GPR89A: variants seen among roughly 807,000 people sequenced by gnomAD.
GPR89A encodes G protein-coupled receptor 89A.
A neutral mutation model predicts 52.0 loss-of-function variants in GPR89A; 16 were observed. The observed-to-expected ratio is 0.31, with a 90% CI of 0.21 to 0.47. GPR89A has a LOEUF of 0.47. GPR89A is among the 20% of genes least tolerant of loss of function. GPR89A has a pLI of 1.00. For synonymous variants in GPR89A, 55 were observed against 150.9 expected, an observed-to-expected ratio of 0.36 and a Z score of 4.66; for missense variants, 135 against 449.4, an observed-to-expected ratio of 0.30 and a Z score of 6.33.
intron 4 of GPR89A, 52 bp downstream of exon 4, chr1:145,623,212 G>A: frequency 1.3e-6 from 2 of 1,597,620 alleles, no homozygotes; most frequent in Non-Finnish European, 1.7e-6. Flanking sequence ...AGTATTTGAG[G>A]GGACTTAAAT....
intron 7 of GPR89A, among the ~76,000 whole-genome samples, chr1:145,636,991 A>G (rs1650287404): frequency 6.6e-6 from 1 of 152,224 alleles, no homozygotes; most frequent in Non-Finnish European, 1.5e-5. Context: ...AAATCTCAGT[A>G]TAAACCCTTC....
chr1:145,643,527 G>T (rs1650791928), intron 7 of GPR89A, among the ~76,000 whole-genome samples: 1 of 152,144 alleles, frequency 6.6e-6, no homozygotes, highest in South Asian at 2.1e-4. Context: ...ACTATGTATA[G>T]CGCCTCATAT....
At chr1:145,664,430 A>G (rs1652417397) in intron 11 of GPR89A, among the ~76,000 whole-genome samples, 3 of 152,120 alleles carry the variant, frequency 2.0e-5, no homozygotes, top group Admixed American at 2.0e-4. Context: ...GAGACAGATC[A>G]CTTGAGTCCA....
At chr1:145,660,147 G>A (rs1162962601) in intron 10 of GPR89A, among the ~76,000 whole-genome samples, 10 of 152,096 alleles carry the variant, frequency 6.6e-5, no homozygotes, top group African/African-American at 1.4e-4. Flanking sequence ...AAATCACGCC[G>A]CATATCTACA....
chr1:145,657,181 G>A (rs1172708228), intron 10 of GPR89A, among the ~76,000 whole-genome samples: 2 of 149,044 alleles, frequency 1.3e-5, no homozygotes, highest in Non-Finnish European at 3.0e-5. Flanking sequence ...ACTGCTTGAG[G>A]CCAGGAATTT....
At chr1:145,663,278 A>G (rs1652327027) in intron 10 of GPR89A, 51 bp from the exon 11 acceptor site, 1 of 1,607,466 alleles carries the variant, frequency 6.2e-7, no homozygotes, top group African/African-American at 1.3e-5. Flanking sequence ...ACTTTTTGAA[A>G]TAGTAAGTGA....
chr1:145,635,176 T>G (rs1352236004), intron 7 of GPR89A, among the ~76,000 whole-genome samples: 1 of 151,922 alleles, frequency 6.6e-6, no homozygotes, highest in African/African-American at 2.4e-5. Context: ...GGAGGCCGAG[T>G]CGGGCAGATC....
At chr1:145,611,282 G>A (rs1280900923) in intron 1 of GPR89A, among the ~76,000 whole-genome samples, 10 of 150,600 alleles carry the variant, frequency 6.6e-5, no homozygotes, top group African/African-American at 1.2e-4. Context: ...CAAATGATCC[G>A]GTCACCCAGG....
In GPR89A at chr1:145,615,896, A is replaced by C. The variant is rs587703985; in HGVS notation, c.43-338A>C. Among the ~76,000 whole-genome samples, 14 of 152,160 alleles carry C rather than the reference A, an allele frequency of 9.2e-5. 1 individual carries two copies. In the Middle Eastern group the frequency reaches 0.01, roughly 111 times the overall value. On this transcript the variant is annotated intron_variant, in intron 1 of 13. Transcript: ENST00000313835. Reference sequence around the variant, plus strand: ...TGTCCTCCCAAAGTGCTGGGATTACAAGTGTGAGGCACCGTGCCTGGCCAC... The same window carrying C: ...TGTCCTCCCAAAGTGCTGGGATTACCAGTGTGAGGCACCGTGCCTGGCCAC...
intron 10 of GPR89A, among the ~76,000 whole-genome samples, chr1:145,654,886 T>C (rs1651708131): frequency 6.6e-6 from 1 of 151,986 alleles, no homozygotes; most frequent in Non-Finnish European, 1.5e-5. Context: ...AAGTATGTTT[T>C]CCAACTTGAA....
chr1:145,629,399 TA>T lies in GPR89A; in HGVS notation c.416-1287del, dbSNP rs1482853432. Among the ~76,000 whole-genome samples, 96 of 152,154 alleles carry T rather than the reference TA, an allele frequency of 6.3e-4. 1 individual carries two copies. Among genetic ancestry groups the T allele is most frequent in the African/African-American group, 2.3e-3 (94 of 41,508 alleles). ...GTGAAGGTAGTTTATGGCTAATAGCTATGTCTTTTATAATAAGGACATTGGC... is the reference window on the plus strand; with the variant it reads ...GTGAAGGTAGTTTATGGCTAATAGCTTGTCTTTTATAATAAGGACATTGGC... On this transcript the variant is annotated intron_variant, in intron 5 of 13. Transcript: ENST00000313835.
At chr1:145,621,785 G>A (rs1345602005) in intron 3 of GPR89A, among the ~76,000 whole-genome samples, 15 of 152,126 alleles carry the variant, frequency 9.9e-5, no homozygotes, top group African/African-American at 3.6e-4. Flanking sequence ...CATTTCTCCA[G>A]AGATGATATA....
intron 2 of GPR89A, among the ~76,000 whole-genome samples, chr1:145,617,293 C>G (rs1192414341): frequency 6.6e-6 from 1 of 152,158 alleles, no homozygotes; most frequent in Non-Finnish European, 1.5e-5. Context: ...TCTGCCCAAC[C>G]CCGCAAGCAG....
At chr1:145,656,043 C>G (rs1325691894) in intron 10 of GPR89A, among the ~76,000 whole-genome samples, 1 of 152,014 alleles carries the variant, frequency 6.6e-6, no homozygotes, top group Non-Finnish European at 1.5e-5. Flanking sequence ...CGAGTCCCAC[C>G]TAAAGAAGCG....
At chr1:145,638,932 G>T (rs1297451161) in intron 7 of GPR89A, among the ~76,000 whole-genome samples, 9 of 148,494 alleles carry the variant, frequency 6.1e-5, no homozygotes, top group Admixed American at 6.0e-4. Flanking sequence ...AGTGCAGCCT[G>T]AGAGCAAAGT....
At chr1:145,647,441 A>G (rs1415130227) in intron 10 of GPR89A, among the ~76,000 whole-genome samples, 174 bp downstream of exon 10, 1 of 152,086 alleles carries the variant, frequency 6.6e-6, no homozygotes, top group Non-Finnish European at 1.5e-5. Flanking sequence ...TCCTTTTTAG[A>G]TTACATAGAT....
At position 145,624,591 on chromosome 1, in the gene GPR89A, A is replaced by C. The variant is rs9730129; in HGVS notation, c.415+877A>C. 4.2e-3 allele frequency among the ~76,000 whole-genome samples: 635 copies of C among 151,170 alleles called. 8 individuals carry two copies. Among genetic ancestry groups the C allele is most frequent in the African/African-American group, 0.015 (618 of 40,632 alleles). On this transcript the variant is annotated intron_variant, in intron 5 of 13. Transcript: ENST00000313835. The stretch of plus-strand genomic sequence containing the variant: ...CTTCTTATTGCAGAAAACAGAATCT[A>C]CTGTAACTAATTTAAAGCAGAAAGT...
In GPR89A at chr1:145,643,967, C is replaced by G; in HGVS notation, c.716C>G (p.Ser239Ter). 3.3e-6 allele frequency: 1 copy of G among 299,272 alleles called. No individual in the cohort carries two copies. The allele number at this position is 299,272 out of a possible 1,614,324, so 18.5% of individuals were successfully genotyped here. ...ATAAAAAGTGTTACCACTTCAGCAT[C>G]AGGAAGTGAAAGTATCCTTTGTCCC... Reference protein sequence around the residue: ...GMIKSVTTSASGSENLTLIQQ... With the variant: ...GMIKSVTTSA Residue 239 changes from serine to a stop codon, truncating the protein, a stop_gained, in exon 8 of 14, where the codon TCA (serine) becomes TGA (stop). Transcript: ENST00000313835. LOFTEE classifies it high-confidence loss of function.
At chr1:145,652,530 A>C (rs1459913486) in intron 10 of GPR89A, among the ~76,000 whole-genome samples, 1 of 126,600 alleles carries the variant, frequency 7.9e-6, no homozygotes, top group South Asian at 3.1e-4. Context: ...GTTAGGGAGG[A>C]GTCCCTCTTT....
Sources: gnomAD v4.1 joint callset for allele counts (sites outside exome capture counted in the v4.1 genomes callset) on GRCh38, gnomAD v4.1.1 for gene constraint, MANE v1.5 for transcripts, NCBI Gene and HGNC (gene_info 2026-07-23, HGNC 2026-07-21) for gene names.